DAAM1: variants seen among roughly 807,000 people sequenced by gnomAD.
DAAM1 encodes dishevelled associated activator of morphogenesis 1, also known as disheveled-associated activator of morphogenesis 1.
DAAM1 carries 52 observed loss-of-function variants against 130.0 expected under a neutral mutation model. That is an observed-to-expected ratio of 0.40 (90% CI 0.32 to 0.50). The LOEUF (loss-of-function observed/expected upper bound fraction) is 0.50, where lower values mean the gene tolerates loss of function less well. Among genes scored for constraint, DAAM1 ranks in the 20% least tolerant of loss-of-function variants. DAAM1 has a pLI of 0.61. For synonymous variants in DAAM1, 452 were observed against 444.5 expected (o/e 1.02, Z -0.21); for missense variants, 1,134 against 1,303.8 (o/e 0.87, Z 2.01).
chr14:59,352,995 A>C (rs1886345451), intron 18 of DAAM1, among the ~76,000 whole-genome samples: 2 of 151,410 alleles, frequency 1.3e-5, no homozygotes, highest in South Asian at 4.2e-4. Flanking sequence ...GTAAAACAAA[A>C]AAAAAAAAAA....
At chr14:59,299,525 T>C (rs1884089258) in intron 3 of DAAM1, among the ~76,000 whole-genome samples, 1 of 152,190 alleles carries the variant, frequency 6.6e-6, no homozygotes, top group Non-Finnish European at 1.5e-5. Context: ...TGTTCACCCA[T>C]ATGCTGACCT....
Position 59,363,792 on chromosome 14 carries a change from C to G in DAAM1, c.2826+10C>G. The stretch of plus-strand genomic sequence containing the variant: ...AGAAGCTAAAGACCTGGTAAGTTTC[C>G]CCCTTGTGCACTGAGTGTTGTTTGA... On this transcript the variant is annotated intron_variant, in intron 23 of 24. Transcript: ENST00000360909. The G allele has an allele frequency of 1.2e-6, 2 of 1,613,112 alleles. No individual in the cohort carries two copies. The highest frequency in any genetic ancestry group is 1.7e-5 in the Admixed American group (1 of 60,014).
At chr14:59,320,330 C>A (rs1040513839) in intron 4 of DAAM1, among the ~76,000 whole-genome samples, 160 bp from the exon 5 acceptor site, 2 of 152,166 alleles carry the variant, frequency 1.3e-5, no homozygotes, top group East Asian at 1.9e-4. Context: ...TAAACTTTTC[C>A]CTAAGGCTTT....
In DAAM1 at chr14:59,369,133, T is replaced by C; in HGVS notation, c.*274T>C. On this transcript the variant is annotated 3_prime_UTR_variant, in exon 25 of 25. Coordinates refer to ENST00000360909, the MANE Select transcript of DAAM1 (RefSeq NM_001270520.2). Reference sequence around the variant, plus strand: ...TTCGTGTATGCATTCACATTGAGTGTGGCTCATTTTCTTTCCCCGAACGCC... The same window carrying C: ...TTCGTGTATGCATTCACATTGAGTGCGGCTCATTTTCTTTCCCCGAACGCC... 1 of 308,954 alleles carries C rather than the reference T, an allele frequency of 3.2e-6. No homozygotes were observed. The highest frequency in any genetic ancestry group is 6.0e-6 in the Non-Finnish European group (1 of 166,596). The allele number at this position is 308,954 out of a possible 1,614,324, so 19.1% of individuals were successfully genotyped here.
In DAAM1 at chr14:59,324,324, T is replaced by C. The variant is rs1270835508; in HGVS notation, c.886-27T>C. On this transcript the variant is annotated intron_variant, in intron 7 of 24. Transcript: ENST00000360909. ...TTATGTAGTCTAAAAACCACAAATATGTATTTTATTGCCATTTTACTTTCA... is the reference window on the plus strand; with the variant it reads ...TTATGTAGTCTAAAAACCACAAATACGTATTTTATTGCCATTTTACTTTCA... The C allele has an allele frequency of 5.3e-6, 8 of 1,522,146 alleles. No individual in the cohort carries two copies. The Admixed American group carries it at 7.8e-5, about 15-fold the overall frequency. 94.3% of individuals were successfully genotyped at this position (1,522,146 alleles called of 1,614,324 possible).
chr14:59,279,030 C>T (rs1883096987), intron 2 of DAAM1, among the ~76,000 whole-genome samples: 1 of 152,086 alleles, frequency 6.6e-6, no homozygotes, highest in Non-Finnish European at 1.5e-5. Context: ...TCCTGGGGCT[C>T]CAACAAGCAG....
chr14:59,360,001 TTCCC>T (rs1886641944), intron 21 of DAAM1, among the ~76,000 whole-genome samples: 1 of 152,258 alleles, frequency 6.6e-6, no homozygotes, highest in South Asian at 2.1e-4. Flanking sequence ...CTTGCTGTTT[TTCCC>T]TCCCTCTTTT....
intron 1 of DAAM1, among the ~76,000 whole-genome samples, chr14:59,196,608 T>C (rs1887901954): frequency 6.6e-6 from 1 of 151,984 alleles, no homozygotes; most frequent in Non-Finnish European, 1.5e-5. Flanking sequence ...CCGGGCGTGG[T>C]GGCGGGCGCC....
In DAAM1 at chr14:59,370,947, A is replaced by G. The variant is rs547886466; in HGVS notation, c.*2088A>G. 1.3e-5 allele frequency: 2 copies of G among 152,188 alleles called. No homozygotes were observed. The highest frequency in any genetic ancestry group is 4.8e-5 in the African/African-American group (2 of 41,542). 9.4% of individuals were successfully genotyped at this position (152,188 alleles called of 1,614,324 possible). ...GACAGGTGGAGGGAAAGTCACATAA[A>G]GGAGCAAGTTTGTGTAGCTGTCCCT... On this transcript the variant is annotated 3_prime_UTR_variant, in exon 25 of 25. Transcript: ENST00000360909.
rs1887166904 is a variant in DAAM1, at chr14:59,371,340, T to C, written c.*2481T>C. 1 of 152,178 alleles carries C rather than the reference T, an allele frequency of 6.6e-6. No homozygotes were observed. The highest frequency in any genetic ancestry group is 2.1e-4 in the South Asian group (1 of 4,838). The allele number at this position is 152,178 out of a possible 1,614,324, so 9.4% of individuals were successfully genotyped here. On this transcript the variant is annotated 3_prime_UTR_variant, in exon 25 of 25. Transcript: ENST00000360909. Reference sequence around the variant, plus strand: ...ACTGAGAAAAAAAAAGTATGTGTTATGAGACTGTACATGTTTTTTTAAAAA... The same window carrying C: ...ACTGAGAAAAAAAAAGTATGTGTTACGAGACTGTACATGTTTTTTTAAAAA...
At chr14:59,207,854 G>T (rs1297513787) in intron 1 of DAAM1, among the ~76,000 whole-genome samples, 2 of 152,100 alleles carry the variant, frequency 1.3e-5, no homozygotes, top group Non-Finnish European at 2.9e-5. Flanking sequence ...TAAATCTTGG[G>T]TTTTTTCCTG....
rs1182942509 is a variant in DAAM1, at chr14:59,203,141, G to A, written c.-38+14373G>A. 2.0e-5 allele frequency among the ~76,000 whole-genome samples: 3 copies of A among 146,850 alleles called. No homozygotes were observed. The East Asian group carries it at 6.0e-4, about 29-fold the overall frequency. On this transcript the variant is annotated intron_variant, in intron 1 of 24. Coordinates refer to ENST00000360909, the MANE Select transcript of DAAM1 (RefSeq NM_001270520.2). ...CGAGTAGTTAGGACTACAGGCACCC[G>A]CCACCACTTCTGGCTAATTTTTTTT...
chr14:59,352,921 C>T (rs1023854197), intron 18 of DAAM1, among the ~76,000 whole-genome samples: 3 of 151,414 alleles, frequency 2.0e-5, no homozygotes, highest in African/African-American at 7.3e-5. Context: ...TCATTCTCCT[C>T]ACCAGTCTGA....
intron 1 of DAAM1, among the ~76,000 whole-genome samples, chr14:59,199,729 T>A (rs1336615904): frequency 6.6e-6 from 1 of 152,060 alleles, no homozygotes; most frequent in East Asian, 1.9e-4. Context: ...TAACCCAGGG[T>A]TTCCCAACAT....
chr14:59,205,078 A>G (rs917764917), intron 1 of DAAM1, among the ~76,000 whole-genome samples: 1 of 152,222 alleles, frequency 6.6e-6, no homozygotes, highest in African/African-American at 2.4e-5. Flanking sequence ...TAGAGAAACT[A>G]ATACAACTAG....
rs751014768 is a variant in DAAM1, at chr14:59,371,281, T to A, written c.*2422T>A. Reference sequence around the variant, plus strand: ...TTATTAGCTTAGTAGTTGGAACCACTTAGTCTTTAGGTGCAAGACTGTTGT... The same window carrying A: ...TTATTAGCTTAGTAGTTGGAACCACATAGTCTTTAGGTGCAAGACTGTTGT... On this transcript the variant is annotated 3_prime_UTR_variant, in exon 25 of 25. Coordinates refer to ENST00000360909, the MANE Select transcript of DAAM1 (RefSeq NM_001270520.2). The A allele has an allele frequency of 6.6e-6, 1 of 152,114 alleles. No homozygotes were observed. The highest frequency in any genetic ancestry group is 2.4e-5 in the African/African-American group (1 of 41,434). 9.4% of individuals were successfully genotyped at this position (152,114 alleles called of 1,614,324 possible).
intron 1 of DAAM1, among the ~76,000 whole-genome samples, chr14:59,252,501 C>G (rs1881691732): frequency 6.6e-6 from 1 of 152,174 alleles, no homozygotes; most frequent in Non-Finnish European, 1.5e-5. Context: ...TCCAGAAACC[C>G]TCAGAGAATT....
intron 16 of DAAM1, among the ~76,000 whole-genome samples, chr14:59,346,232 T>C (rs992253794): frequency 3.3e-5 from 5 of 151,968 alleles, no homozygotes; most frequent in Non-Finnish European, 1.5e-5. Flanking sequence ...AAAAATTTTT[T>C]GCTCTAGTCA....
At chr14:59,300,508 T>G (rs1884126641) in intron 3 of DAAM1, among the ~76,000 whole-genome samples, 1 of 152,212 alleles carries the variant, frequency 6.6e-6, no homozygotes, top group Admixed American at 6.5e-5. Context: ...CTCTGATAAC[T>G]TTCCTCTCAA....
Sources: gnomAD v4.1 joint callset for allele counts (sites outside exome capture counted in the v4.1 genomes callset) on GRCh38, gnomAD v4.1.1 for gene constraint, MANE v1.5 for transcripts, NCBI Gene and HGNC (gene_info 2026-07-23, HGNC 2026-07-21) for gene names.